DOP1A: variants seen among roughly 807,000 people sequenced by gnomAD.
DOP1A encodes DOP1 leucine zipper like protein A.
In DOP1A, 90 loss-of-function variants were observed where a neutral mutation model predicts 267.6. The observed-to-expected ratio is 0.34, with a 90% CI of 0.28 to 0.40. The LOEUF (loss-of-function observed/expected upper bound fraction) is 0.40. Ranked by LOEUF, DOP1A falls within the 10% of genes least tolerant of loss-of-function variation. The probability of loss-of-function intolerance (pLI) is 1.00; values close to 1 mark genes in which losing one functional copy is unlikely to be tolerated. For missense variants in DOP1A, 2,437 were observed against 2,900.4 expected, an observed-to-expected ratio of 0.84 and a Z score of 3.67; for synonymous variants, 932 against 999.1, an observed-to-expected ratio of 0.93 and a Z score of 1.27.
intron 4 of DOP1A, 145 bp from the exon 5 acceptor site, chr6:83,108,765 G>A (rs1174391549): frequency 2.9e-6 from 2 of 688,402 alleles, no homozygotes; most frequent in Non-Finnish European, 4.6e-6. Flanking sequence ...TTTAATGGAT[G>A]TAGTCATTCA....
chr6:83,144,688 G>A (rs1006932735), intron 24 of DOP1A, among the ~76,000 whole-genome samples: 2 of 152,010 alleles, frequency 1.3e-5, no homozygotes, highest in East Asian at 1.9e-4. Context: ...AATAAGTAAT[G>A]AATAGATAAT....
chr6:83,073,595 A>C (rs1018773057), intron 1 of DOP1A, among the ~76,000 whole-genome samples: 3 of 152,224 alleles, frequency 2.0e-5, no homozygotes, highest in African/African-American at 7.2e-5. Context: ...ATTTGGGAAT[A>C]AACTGTTGTT....
At chr6:83,122,758 T>C in intron 11 of DOP1A, 105 bp from the exon 12 acceptor site, 1 of 790,240 alleles carries the variant, frequency 1.3e-6, no homozygotes, top group Non-Finnish European at 1.8e-6. Context: ...TAGCACATTT[T>C]CTAGCAACTA....
intron 14 of DOP1A, 76 bp downstream of exon 14, chr6:83,125,271 G>C: frequency 7.2e-7 from 1 of 1,392,580 alleles, no homozygotes; most frequent in South Asian, 1.4e-5. Flanking sequence ...TAATGTAGCA[G>C]ATAAAACTGG....
chr6:83,084,505 A>C (rs1768714929), intron 1 of DOP1A, among the ~76,000 whole-genome samples: 1 of 152,242 alleles, frequency 6.6e-6, no homozygotes, highest in South Asian at 2.1e-4. Flanking sequence ...CTCCAGCTTG[A>C]GATTTGCAGC....
At chr6:83,163,611 C>T (rs1784748932) in intron 38 of DOP1A, among the ~76,000 whole-genome samples, 1 of 152,106 alleles carries the variant, frequency 6.6e-6, no homozygotes, top group African/African-American at 2.4e-5. Context: ...GAAATGTGTT[C>T]CTTATCCTGA....
At position 83,151,635 on chromosome 6, in the gene DOP1A, TAAA is replaced by T; in HGVS notation, c.5884_5886del (p.Lys1962del). 2 of 1,609,084 alleles carry T rather than the reference TAAA, an allele frequency of 1.2e-6. No individual in the cohort carries two copies. Among genetic ancestry groups the T allele is most frequent in the Admixed American group, 1.7e-5 (1 of 59,056 alleles). On this transcript the variant is annotated inframe_deletion, in exon 28 of 39. Coordinates refer to ENST00000349129, the MANE Select transcript of DOP1A (RefSeq NM_015018.4). The stretch of plus-strand genomic sequence containing the variant: ...TTATGAAAAACCCTAGTTTGGAAAA[TAAA>T]AAAGACCAAAGAGACCTTCAGGTAA...
At chr6:83,100,514 T>C (rs1220468208) in intron 3 of DOP1A, among the ~76,000 whole-genome samples, 191 bp from the exon 4 acceptor site, 5 of 152,214 alleles carry the variant, frequency 3.3e-5, no homozygotes, top group Non-Finnish European at 7.3e-5. Context: ...CGAGTTTATT[T>C]TTTAAACAAA....
At chr6:83,164,676 T>C in intron 38 of DOP1A, 1 of 1,584,388 alleles carries the variant, frequency 6.3e-7, no homozygotes, top group Non-Finnish European at 8.6e-7. Flanking sequence ...GAGGAGGACT[T>C]TAAGACAGTG....
At chr6:83,136,277 G>A (rs1778849569) in intron 20 of DOP1A, among the ~76,000 whole-genome samples, 1 of 152,112 alleles carries the variant, frequency 6.6e-6, no homozygotes, top group Admixed American at 6.6e-5. Context: ...TTTAAGAGAA[G>A]AATAATGCTC....
At chr6:83,165,641 G>A in intron 38 of DOP1A, 1 of 200,500 alleles carries the variant, frequency 5.0e-6, no homozygotes, top group Non-Finnish European at 1.1e-5. Context: ...AGTTGTGGAA[G>A]CAATTTCCCT....
intron 31 of DOP1A, 115 bp downstream of exon 31, chr6:83,153,735 TATA>T (rs1782183044): frequency 2.6e-6 from 3 of 1,171,068 alleles, no homozygotes; most frequent in Non-Finnish European, 3.5e-6. Flanking sequence ...TACCTTGAAT[TATA>T]ATTGTTTAAA....
chr6:83,070,129 G>T (rs561580338), intron 1 of DOP1A, among the ~76,000 whole-genome samples: 2 of 152,276 alleles, frequency 1.3e-5, no homozygotes. Context: ...TTCTTAGGGT[G>T]AATGCTGTTA....
At chr6:83,153,126 G>C (rs1271963976) in intron 30 of DOP1A, among the ~76,000 whole-genome samples, 1 of 150,564 alleles carries the variant, frequency 6.6e-6, no homozygotes. Context: ...GACAGTGTTG[G>C]AATTTGAACA....
At chr6:83,158,748 A>G (rs1783450991) in intron 36 of DOP1A, 126 bp downstream of exon 36, 2 of 696,438 alleles carry the variant, frequency 2.9e-6, no homozygotes, top group Middle Eastern at 4.0e-4. Context: ...CTAATTGATT[A>G]CGTTTGGATA....
intron 1 of DOP1A, among the ~76,000 whole-genome samples, chr6:83,068,887 T>C (rs1232683951): frequency 6.6e-6 from 1 of 152,238 alleles, no homozygotes; most frequent in Non-Finnish European, 1.5e-5. Context: ...AACTAAATCA[T>C]TCTCTGTAAT....
intron 15 of DOP1A, 28 bp downstream of exon 15, chr6:83,125,761 A>T: frequency 6.4e-7 from 1 of 1,561,964 alleles, no homozygotes; most frequent in Non-Finnish European, 8.8e-7. Flanking sequence ...TTTTGGTATT[A>T]GACTGTTCAT....
At chr6:83,148,953 C>T in intron 27 of DOP1A, 90 bp downstream of exon 27, 1 of 713,986 alleles carries the variant, frequency 1.4e-6, no homozygotes, top group Non-Finnish European at 2.1e-6. Flanking sequence ...TTTTAGGTGA[C>T]AGTGATCTCT....
At chr6:83,115,789 C>G (rs1012486475) in intron 7 of DOP1A, among the ~76,000 whole-genome samples, 2 of 151,798 alleles carry the variant, frequency 1.3e-5, no homozygotes, top group Non-Finnish European at 2.9e-5. Flanking sequence ...TACCGTAGAT[C>G]TTTTTGAACT....
Sources: allele counts gnomAD v4.1 joint callset (sites outside exome capture counted in the v4.1 genomes callset), GRCh38; gene constraint gnomAD v4.1.1; transcripts MANE v1.5; gene names NCBI Gene and HGNC (gene_info 2026-07-23, HGNC 2026-07-21).